UGT1A7: variants seen among roughly 807,000 people sequenced by gnomAD.
The protein encoded by UGT1A7 is UDP-glucuronosyltransferase 1A7.
Under a neutral mutation model 45.6 loss-of-function variants are expected in UGT1A7, and 33 were observed. The observed-to-expected ratio is 0.72, with a 90% CI of 0.55 to 0.97. The LOEUF (loss-of-function observed/expected upper bound fraction) is 0.97, where lower values mean the gene tolerates loss of function less well. Among genes scored for constraint, UGT1A7 ranks in the 50% least tolerant of loss-of-function variants. The pLI, the probability that UGT1A7 is intolerant of heterozygous loss-of-function variation, is 0.00. For missense variants in UGT1A7, 684 were observed against 666.2 expected (o/e 1.03, Z -0.29); for synonymous variants, 274 against 250.6 (o/e 1.09, Z -0.88).
chr2:233,735,275 T>G (rs968370538), intron 1 of UGT1A7, among the ~76,000 whole-genome samples: 2 of 152,218 alleles, frequency 1.3e-5, no homozygotes, highest in Non-Finnish European at 2.9e-5. Context: ...GTAATGGCCT[T>G]CTTTGTCTCT....
chr2:233,691,070 T>C (rs1421029185), intron 1 of UGT1A7: 33 of 986,176 alleles, frequency 3.3e-5, no homozygotes, highest in Non-Finnish European at 3.6e-5. Context: ...GTATAAAGAA[T>C]GTGAAGTTTG....
chr2:233,705,147 AAAGAG>A (rs1423944369), intron 1 of UGT1A7, among the ~76,000 whole-genome samples: 11 of 152,088 alleles, frequency 7.2e-5, no homozygotes, highest in East Asian at 5.8e-4. Context: ...AAAAAAAAAA[AAAGAG>A]AGAGAGAGAG....
chr2:233,701,815 T>C (rs569445521), intron 1 of UGT1A7, among the ~76,000 whole-genome samples: 1 of 152,210 alleles, frequency 6.6e-6, no homozygotes, highest in South Asian at 2.1e-4. Flanking sequence ...AGACACAACA[T>C]ACCAGAATCT....
At chr2:233,696,840 G>A (rs17864692) in intron 1 of UGT1A7, among the ~76,000 whole-genome samples, 7,328 of 152,214 alleles carry the variant, frequency 0.048, 193 homozygotes, top group Non-Finnish European at 0.059. Flanking sequence ...ATAAAGGGAC[G>A]TTGAATTTTG....
At chr2:233,688,945 G>A (rs2074920511) in intron 1 of UGT1A7, among the ~76,000 whole-genome samples, 1 of 152,172 alleles carries the variant, frequency 6.6e-6, no homozygotes, top group African/African-American at 2.4e-5. Flanking sequence ...GCAGCATGAA[G>A]CCAAATGTTT....
At position 233,682,362 on chromosome 2, in the gene UGT1A7, T is replaced by C. The variant is rs747551450; in HGVS notation, c.425T>C (p.Phe142Ser). ...GTAGAATACTTAAAGGAGAGTTGTT[T>C]TGATGCAGTGTTTCTCGATCCTTTT... ...KLVEYLKESC[F>S]DAVFLDPFDA... is the part of the protein sequence containing the mutation. The change falls in exon 1 of 5, where the codon TTT becomes TCT. Residue 142 changes from phenylalanine to serine, a missense_variant. Coordinates refer to ENST00000373426, the MANE Select transcript of UGT1A7 (RefSeq NM_019077.3). 18 of 1,614,152 alleles carry C rather than the reference T, an allele frequency of 1.1e-5. No homozygotes were observed. The South Asian group carries it at 2.0e-4, about 18-fold the overall frequency.
At chr2:233,752,573 T>C (rs1337077118) in intron 1 of UGT1A7, 4 of 152,170 alleles carry the variant, frequency 2.6e-5, no homozygotes, top group Admixed American at 2.6e-4. Flanking sequence ...TGGGTCAACA[T>C]CATTCCCATC....
At chr2:233,760,645 T>A (rs751311281) in intron 1 of UGT1A7, 1 of 1,614,248 alleles carries the variant, frequency 6.2e-7, no homozygotes, top group South Asian at 1.1e-5. Flanking sequence ...AAAAAAGGAC[T>A]CTGCTATGCT....
chr2:233,719,509 C>T (rs372293131), intron 1 of UGT1A7: 20 of 1,613,850 alleles, frequency 1.2e-5, no homozygotes, highest in Non-Finnish European at 1.7e-5. Context: ...TTTTCTGCCC[C>T]TTATGCAAGT....
intron 1 of UGT1A7, chr2:233,693,850 G>A (rs1347397374): frequency 6.2e-7 from 1 of 1,614,080 alleles, no homozygotes. Flanking sequence ...GTAAGAAGAG[G>A]AAAGACTTGT....
At chr2:233,755,222 G>A in intron 1 of UGT1A7, 1 of 994,216 alleles carries the variant, frequency 1.0e-6, no homozygotes, top group Admixed American at 1.9e-5. Flanking sequence ...TGATACCCTC[G>A]GACGAGGCCT....
intron 1 of UGT1A7, chr2:233,713,468 G>A (rs1235260957): frequency 8.1e-6 from 13 of 1,613,904 alleles, no homozygotes; most frequent in East Asian, 4.5e-5. Context: ...TCTGCGCGGC[G>A]GTGCTGGCTA....
intron 1 of UGT1A7, among the ~76,000 whole-genome samples, chr2:233,707,167 C>T (rs551362724): frequency 4.5e-4 from 69 of 152,260 alleles, no homozygotes; most frequent in African/African-American, 1.6e-3. Context: ...AGCACCCAGA[C>T]ATCCATCCTG....
intron 1 of UGT1A7, among the ~76,000 whole-genome samples, chr2:233,726,328 C>T (rs2077525468): frequency 6.6e-6 from 1 of 152,196 alleles, no homozygotes; most frequent in Non-Finnish European, 1.5e-5. Context: ...GGAGTTTCAG[C>T]ACCTGTGGTT....
chr2:233,694,081 G>C (rs984890530), intron 1 of UGT1A7, among the ~76,000 whole-genome samples: 2 of 152,200 alleles, frequency 1.3e-5, no homozygotes, highest in African/African-American at 4.8e-5. Context: ...TGCTTGGCAA[G>C]AGTAGGAGAT....
At chr2:233,723,536 T>TTA (rs1553611580) in intron 1 of UGT1A7, among the ~76,000 whole-genome samples, 38,386 of 120,724 alleles carry the variant, frequency 0.32, 7,068 homozygotes, top group South Asian at 0.41. Flanking sequence ...TTTTTTTTTT[T>TTA]AATTTATTTT....
At chr2:233,688,598 G>T (rs2074903905) in intron 1 of UGT1A7, among the ~76,000 whole-genome samples, 1 of 152,116 alleles carries the variant, frequency 6.6e-6, no homozygotes, top group Non-Finnish European at 1.5e-5. Flanking sequence ...TGGTGTTACA[G>T]AATAACACCC....
At chr2:233,709,728 A>G (rs1036199930) in intron 1 of UGT1A7, among the ~76,000 whole-genome samples, 11 of 152,204 alleles carry the variant, frequency 7.2e-5, no homozygotes, top group African/African-American at 2.4e-4. Flanking sequence ...TATGTTTTCA[A>G]TTGATACTAC....
At chr2:233,713,345 CA>C in intron 1 of UGT1A7, 1 of 1,614,188 alleles carries the variant, frequency 6.2e-7, no homozygotes, top group Admixed American at 1.7e-5. Flanking sequence ...CAATTATGAA[CA>C]ATATGTCTTT....
Sources: allele counts gnomAD v4.1 joint callset (sites outside exome capture counted in the v4.1 genomes callset), GRCh38; gene constraint gnomAD v4.1.1; transcripts MANE v1.5; gene names NCBI Gene and HGNC (gene_info 2026-07-23, HGNC 2026-07-21).